APBA1: variants seen among roughly 807,000 people sequenced by gnomAD.
The protein encoded by APBA1 is amyloid-beta A4 precursor protein-binding family A member 1.
Under a neutral mutation model 86.6 loss-of-function variants are expected in APBA1, and 55 were observed. That is an observed-to-expected ratio of 0.64 (90% CI 0.51 to 0.80). The LOEUF is 0.80. APBA1 is among the 30% of genes least tolerant of loss of function. APBA1 has a pLI of 0.00. For synonymous variants in APBA1, 511 were observed against 493.9 expected, an observed-to-expected ratio of 1.03 and a Z score of -0.46; for missense variants, 1,090 against 1,183.0, an observed-to-expected ratio of 0.92 and a Z score of 1.15.
chr9:69,566,397 T>C (rs1837027259), intron 1 of APBA1, among the ~76,000 whole-genome samples: 1 of 152,190 alleles, frequency 6.6e-6, no homozygotes, highest in African/African-American at 2.4e-5. Context: ...TGCAAGTTTC[T>C]TGAAGGCATG....
intron 1 of APBA1, among the ~76,000 whole-genome samples, chr9:69,565,294 C>G (rs1339925342): frequency 6.6e-6 from 1 of 152,000 alleles, no homozygotes. Flanking sequence ...TAGGTGCGGA[C>G]CCCAGCCTCC....
chr9:69,487,764 C>CA (rs1564052407), intron 2 of APBA1, among the ~76,000 whole-genome samples: 1 of 151,952 alleles, frequency 6.6e-6, no homozygotes, highest in South Asian at 2.1e-4. Context: ...TTACCAGAAG[C>CA]AGCCCCTCCA....
intron 1 of APBA1, among the ~76,000 whole-genome samples, chr9:69,554,837 T>C (rs550984219): frequency 6.6e-6 from 1 of 152,186 alleles, no homozygotes; most frequent in African/African-American, 2.4e-5. Flanking sequence ...CAAAGATAAG[T>C]CTTTTTATGA....
chr9:69,532,860 A>G (rs1836454309), intron 1 of APBA1, among the ~76,000 whole-genome samples: 2 of 152,246 alleles, frequency 1.3e-5, no homozygotes, highest in Admixed American at 1.3e-4. Flanking sequence ...TGGTCCATGA[A>G]GGGTAATTTG....
At chr9:69,467,012 A>G (rs1835290267) in intron 5 of APBA1, among the ~76,000 whole-genome samples, 1 of 152,198 alleles carries the variant, frequency 6.6e-6, no homozygotes, top group Non-Finnish European at 1.5e-5. Flanking sequence ...GAGGCTGCCC[A>G]GTGGTTCCAG....
At chr9:69,519,379 G>A (rs1012683578) in intron 1 of APBA1, among the ~76,000 whole-genome samples, 4 of 152,250 alleles carry the variant, frequency 2.6e-5, no homozygotes, top group Non-Finnish European at 5.9e-5. Context: ...GAAGCAGCAA[G>A]TGTTGCTGCT....
At chr9:69,453,208 G>T (rs1835041761) in intron 8 of APBA1, among the ~76,000 whole-genome samples, 1 of 152,168 alleles carries the variant, frequency 6.6e-6, no homozygotes, top group African/African-American at 2.4e-5. Context: ...TTCAATAGGG[G>T]AGGTTATATT....
intron 1 of APBA1, among the ~76,000 whole-genome samples, chr9:69,553,636 C>T (rs964606425): frequency 6.6e-6 from 1 of 152,144 alleles, no homozygotes; most frequent in Non-Finnish European, 1.5e-5. Context: ...ACATTTAGGT[C>T]ACTTCCAGCA....
chr9:69,480,937 A>T (rs1429565701), intron 2 of APBA1, among the ~76,000 whole-genome samples: 3 of 145,048 alleles, frequency 2.1e-5, no homozygotes, highest in African/African-American at 7.7e-5. Flanking sequence ...TTCATGCTAA[A>T]AACTCTCAAT....
At chr9:69,657,666 T>C (rs1211790700) in intron 1 of APBA1, among the ~76,000 whole-genome samples, 1 of 152,238 alleles carries the variant, frequency 6.6e-6, no homozygotes, top group Non-Finnish European at 1.5e-5. Flanking sequence ...CTATTTTTTA[T>C]GAAGTTATAG....
chr9:69,492,967 T>C (rs1835737943), intron 2 of APBA1, among the ~76,000 whole-genome samples: 1 of 152,062 alleles, frequency 6.6e-6, no homozygotes, highest in Admixed American at 6.5e-5. Flanking sequence ...TTCAGTAATT[T>C]CACGTATGTA....
intron 1 of APBA1, among the ~76,000 whole-genome samples, chr9:69,528,269 C>T (rs192792733): frequency 1.3e-5 from 2 of 152,170 alleles, no homozygotes; most frequent in South Asian, 2.1e-4. Context: ...TTAATTCATC[C>T]ACTTGGATTA....
At chr9:69,519,045 G>A (rs1836211753) in intron 1 of APBA1, among the ~76,000 whole-genome samples, 1 of 152,198 alleles carries the variant, frequency 6.6e-6, no homozygotes, top group African/African-American at 2.4e-5. Flanking sequence ...AGTCCCACTT[G>A]ATACAAATTA....
At chr9:69,484,675 C>T (rs1835578056) in intron 2 of APBA1, among the ~76,000 whole-genome samples, 1 of 152,238 alleles carries the variant, frequency 6.6e-6, no homozygotes, top group South Asian at 2.1e-4. Context: ...ATCATCTGTT[C>T]ACGTTATGCC....
At chr9:69,481,957 TA>T (rs1435222736) in intron 2 of APBA1, among the ~76,000 whole-genome samples, 1 of 150,952 alleles carries the variant, frequency 6.6e-6, no homozygotes, top group Admixed American at 6.6e-5. Flanking sequence ...TTACACCTTA[TA>T]CAAAAATCAA....
At chr9:69,452,040 C>T in intron 9 of APBA1, 82 bp downstream of exon 9, 1 of 1,336,544 alleles carries the variant, frequency 7.5e-7, no homozygotes, top group South Asian at 1.3e-5. Flanking sequence ...GATCTCCCTT[C>T]ACTTCCGCGG....
At chr9:69,520,162 A>G (rs1158477672) in intron 1 of APBA1, among the ~76,000 whole-genome samples, 2 of 152,212 alleles carry the variant, frequency 1.3e-5, no homozygotes, top group African/African-American at 4.8e-5. Context: ...CCCTAGGACA[A>G]AAAGGCAATT....
At chr9:69,649,683 A>G (rs554676472) in intron 1 of APBA1, among the ~76,000 whole-genome samples, 1 of 152,290 alleles carries the variant, frequency 6.6e-6, no homozygotes, top group East Asian at 1.9e-4. Flanking sequence ...GTGCGAACAC[A>G]TGTAGAATGC....
At chr9:69,660,575 G>A (rs1430915318) in intron 1 of APBA1, among the ~76,000 whole-genome samples, 2 of 152,126 alleles carry the variant, frequency 1.3e-5, no homozygotes, top group African/African-American at 4.8e-5. Context: ...AATAACAGAG[G>A]GGGGAAATAC....
Sources: gnomAD v4.1 joint callset for allele counts (sites outside exome capture counted in the v4.1 genomes callset) on GRCh38, gnomAD v4.1.1 for gene constraint, MANE v1.5 for transcripts, NCBI Gene and HGNC (gene_info 2026-07-23, HGNC 2026-07-21) for gene names.